Variants in FBLN2 observed in about 807,000 individuals in gnomAD.
FBLN2 encodes the protein fibulin 2.
Under a neutral mutation model 123.7 loss-of-function variants are expected in FBLN2, and 81 were observed. The ratio of observed to expected loss-of-function variants is 0.65; its 90% CI spans 0.55 to 0.79. FBLN2 has a LOEUF of 0.79. FBLN2 is among the 30% of genes least tolerant of loss of function. The probability of loss-of-function intolerance (pLI) is 0.00; values close to 1 mark genes in which losing one functional copy is unlikely to be tolerated. For synonymous variants in FBLN2, 699 were observed against 701.4 expected, an observed-to-expected ratio of 1.00 and a Z score of 0.05; for missense variants, 1,603 against 1,681.3, an observed-to-expected ratio of 0.95 and a Z score of 0.81.
At chr3:13,608,652 C>T (rs778734245) in intron 3 of FBLN2, among the ~76,000 whole-genome samples, 1 of 152,318 alleles carries the variant, frequency 6.6e-6, no homozygotes, top group African/African-American at 2.4e-5. Flanking sequence ...GATACCACAG[C>T]AAAGCAATCC....
At position 13,628,935 on chromosome 3, in the gene FBLN2, C is replaced by T. The variant is rs1356101022; in HGVS notation, c.2600C>T (p.Pro867Leu). The stretch of plus-strand genomic sequence containing the variant: ...AACGAGTGCACGTCACTGTCCGAGC[C>T]ATGTCGGCCAGGCTTCAGCTGCATC... ...DINECTSLSEPCRPGFSCINT... is the reference protein window; with the variant it reads ...DINECTSLSELCRPGFSCINT... The change falls in exon 12 of 18, where the codon CCA (proline) becomes CTA (leucine). Residue 867 changes from proline to leucine, a missense_variant. Pro to Leu is a moderately conservative substitution (Grantham distance 98). Transcript: ENST00000404922. 2.5e-6 allele frequency: 4 copies of T among 1,613,592 alleles called. No homozygotes were observed. In the South Asian group the frequency reaches 3.3e-5, roughly 13 times the overall value.
intron 1 of FBLN2, among the ~76,000 whole-genome samples, chr3:13,555,593 T>C (rs1398844013): frequency 6.6e-6 from 1 of 152,130 alleles, no homozygotes; most frequent in African/African-American, 2.4e-5. Context: ...TAGCTGGGAC[T>C]ACAGGCGCCC....
At chr3:13,567,371 GT>G (rs1397968497) in intron 1 of FBLN2, among the ~76,000 whole-genome samples, 31 of 152,300 alleles carry the variant, frequency 2.0e-4, no homozygotes, top group African/African-American at 6.7e-4. Context: ...ATTTCCTTTT[GT>G]TTTGAGACGG....
At chr3:13,613,500 C>T (rs1705471222) in intron 4 of FBLN2, among the ~76,000 whole-genome samples, 1 of 152,196 alleles carries the variant, frequency 6.6e-6, no homozygotes, top group African/African-American at 2.4e-5. Flanking sequence ...TTCAGGGTCA[C>T]TTCATGGCCC....
intron 2 of FBLN2, among the ~76,000 whole-genome samples, chr3:13,576,124 A>T (rs1327680994): frequency 6.6e-6 from 1 of 152,184 alleles, no homozygotes; most frequent in Non-Finnish European, 1.5e-5. Flanking sequence ...CCCTCATTGC[A>T]TGTGCATGGG....
intron 2 of FBLN2, among the ~76,000 whole-genome samples, chr3:13,577,222 CAAA>C (rs34445954): frequency 1.7e-4 from 10 of 59,912 alleles, no homozygotes; most frequent in Admixed American, 7.2e-4. Context: ...GACTCCGTCT[CAAA>C]AAAAAAAAAA....
intron 4 of FBLN2, among the ~76,000 whole-genome samples, chr3:13,612,078 G>A (rs73042931): frequency 2.6e-5 from 4 of 152,240 alleles, no homozygotes; most frequent in South Asian, 2.1e-4. Flanking sequence ...GACAGAGACC[G>A]CTGGATGGTT....
At chr3:13,569,494 AG>A (rs1703851862) in intron 1 of FBLN2, among the ~76,000 whole-genome samples, 1 of 150,248 alleles carries the variant, frequency 6.7e-6, no homozygotes, top group African/African-American at 2.5e-5. Context: ...GATGGAAGGA[AG>A]GGGTAGAGAC....
At chr3:13,556,318 G>C (rs1703462690) in intron 1 of FBLN2, among the ~76,000 whole-genome samples, 1 of 152,154 alleles carries the variant, frequency 6.6e-6, no homozygotes, top group African/African-American at 2.4e-5. Context: ...CACAAGGTGG[G>C]GGGTGGGAAG....
At chr3:13,554,605 G>C (rs764539154) in intron 1 of FBLN2, among the ~76,000 whole-genome samples, 2 of 152,256 alleles carry the variant, frequency 1.3e-5, no homozygotes, top group African/African-American at 2.4e-5. Context: ...CCTAGTCCTC[G>C]TGGTGGTTGG....
At chr3:13,577,990 G>A (rs1704203347) in intron 2 of FBLN2, among the ~76,000 whole-genome samples, 1 of 152,194 alleles carries the variant, frequency 6.6e-6, no homozygotes, top group African/African-American at 2.4e-5. Flanking sequence ...GAGGGCTTGT[G>A]GTTCCCATGG....
chr3:13,621,475 G>A (rs923900891), intron 8 of FBLN2, among the ~76,000 whole-genome samples: 5 of 152,150 alleles, frequency 3.3e-5, no homozygotes, highest in Non-Finnish European at 7.3e-5. Flanking sequence ...CTTGGCGCCC[G>A]TGGATGTGGG....
chr3:13,609,688 G>GGGGGGGGGGGGC, intron 4 of FBLN2, 46 bp downstream of exon 4: 17 of 512,570 alleles, frequency 3.3e-5, no homozygotes, highest in Non-Finnish European at 5.4e-5. Context: ...GTGGGGCGGG[G>GGGGGGGGGGGGC]CGGGAGGCTG....
chr3:13,582,460 C>G (rs1704363724), intron 2 of FBLN2, among the ~76,000 whole-genome samples: 1 of 152,230 alleles, frequency 6.6e-6, no homozygotes, highest in Non-Finnish European at 1.5e-5. Flanking sequence ...GCATCCGGGG[C>G]TTTGAGGTGA....
chr3:13,590,085 T>C (rs767998196), intron 2 of FBLN2, among the ~76,000 whole-genome samples: 2 of 152,108 alleles, frequency 1.3e-5, no homozygotes, highest in Non-Finnish European at 2.9e-5. Context: ...CACCCCAGAG[T>C]TTTCCTGGTG....
Position 13,618,938 on chromosome 3 carries a change from G to A in FBLN2, c.1974G>A (p.Glu658=). The A allele has an allele frequency of 1.9e-6, 3 of 1,613,518 alleles. No homozygotes were observed. Among genetic ancestry groups the A allele is most frequent in the Non-Finnish European group, 2.5e-6 (3 of 1,179,768 alleles). ...GHPPQPEAPQ[E]PALKSEFSQV... ...CTCCACAGCCGGAAGCCCCACAGGAGCCTGCACTGAAGTCAGAATTTTCCC... is the reference window on the plus strand; with the variant it reads ...CTCCACAGCCGGAAGCCCCACAGGAACCTGCACTGAAGTCAGAATTTTCCC... Residue 658 remains glutamate (E), a synonymous_variant, in exon 7 of 18, where the codon GAG becomes GAA. Transcript: ENST00000404922.
chr3:13,622,012 C>G, intron 9 of FBLN2, 97 bp downstream of exon 9: 1 of 1,401,058 alleles, frequency 7.1e-7, no homozygotes, highest in Non-Finnish European at 9.7e-7. Flanking sequence ...AGGGCCTGCC[C>G]TTTGCATGTG....
At chr3:13,560,801 A>T (rs953557276) in intron 1 of FBLN2, among the ~76,000 whole-genome samples, 2 of 151,788 alleles carry the variant, frequency 1.3e-5, no homozygotes, top group Non-Finnish European at 2.9e-5. Flanking sequence ...TATTTTCTTT[A>T]AAAAGTCTCT....
Position 13,570,850 on chromosome 3 carries a change from C to T in FBLN2, c.495C>T (p.Ala165=), listed in dbSNP as rs764874483. 6.9e-5 allele frequency: 111 copies of T among 1,609,330 alleles called. No homozygotes were observed. Among genetic ancestry groups the T allele is most frequent in the Admixed American group, 8.4e-5 (5 of 59,460 alleles). Residue 165 remains alanine, a synonymous_variant, in exon 2 of 18, where the codon GCC becomes GCT. Transcript: ENST00000404922. ...PPCRACHCPD[A]GGELICYQLP... ...GCCGGGCCTGCCACTGCCCTGACGC[C>T]GGTGGAGAGCTCATCTGCTACCAGC...
Sources: allele counts gnomAD v4.1 joint callset (sites outside exome capture counted in the v4.1 genomes callset), GRCh38; gene constraint gnomAD v4.1.1; transcripts MANE v1.5; gene names NCBI Gene and HGNC (gene_info 2026-07-23, HGNC 2026-07-21).